MKLN1: variants seen among roughly 807,000 people sequenced by gnomAD.
The protein encoded by MKLN1 is muskelin 1.
MKLN1 carries 18 observed loss-of-function variants against 99.0 expected under a neutral mutation model. The ratio of observed to expected loss-of-function variants is 0.18; its 90% CI spans 0.13 to 0.27. The LOEUF (loss-of-function observed/expected upper bound fraction) is 0.27, where lower values mean the gene tolerates loss of function less well. Among genes scored for constraint, MKLN1 ranks in the 10% least tolerant of loss-of-function variants. MKLN1 has a pLI of 1.00. For synonymous variants in MKLN1, 288 were observed against 293.2 expected, an observed-to-expected ratio of 0.98 and a Z score of 0.18; for missense variants, 621 against 875.9, an observed-to-expected ratio of 0.71 and a Z score of 3.67.
intron 3 of MKLN1, among the ~76,000 whole-genome samples, chr7:131,231,596 A>T (rs1451977022): frequency 6.6e-6 from 1 of 152,092 alleles, no homozygotes; most frequent in African/African-American, 2.4e-5. Context: ...GAGGCTGGGC[A>T]TGTGTGCATG....
intron 3 of MKLN1, among the ~76,000 whole-genome samples, chr7:131,288,976 TAA>T (rs544413177): frequency 2.9e-4 from 44 of 150,288 alleles, no homozygotes; most frequent in African/African-American, 1.0e-3. Context: ...AGCCTTCTTT[TAA>T]AAAAAAAAAT....
intron 8 of MKLN1, among the ~76,000 whole-genome samples, chr7:131,416,842 A>G (rs1795030874): frequency 6.6e-6 from 1 of 151,728 alleles, no homozygotes; most frequent in Admixed American, 6.6e-5. Flanking sequence ...AATCAGCTGG[A>G]TGTGGTGGTG....
chr7:131,437,698 AT>A, intron 9 of MKLN1, 86 bp from the exon 10 acceptor site: 1 of 1,030,342 alleles, frequency 9.7e-7, no homozygotes, highest in Non-Finnish European at 1.4e-6. Flanking sequence ...GTAATAAAAA[AT>A]GACGTTTAAT....
chr7:131,287,354 A>T (rs1798147778), intron 3 of MKLN1, among the ~76,000 whole-genome samples: 1 of 152,232 alleles, frequency 6.6e-6, no homozygotes, highest in Non-Finnish European at 1.5e-5. Flanking sequence ...AAGTGTTGGC[A>T]AGGCCACACT....
intron 17 of MKLN1, among the ~76,000 whole-genome samples, chr7:131,483,763 A>C (rs536802012): frequency 2.4e-4 from 36 of 152,372 alleles, no homozygotes; most frequent in Middle Eastern, 3.4e-3. Flanking sequence ...CTGAAACTAG[A>C]AAGCAGCAGA....
At chr7:131,366,083 T>A (rs1016059332) in intron 1 of MKLN1, among the ~76,000 whole-genome samples, 3 of 152,184 alleles carry the variant, frequency 2.0e-5, no homozygotes, top group African/African-American at 7.2e-5. Flanking sequence ...CTCCCCTGAT[T>A]ACAGCTGAAA....
chr7:131,189,452 T>A (rs1414715987), intron 2 of MKLN1, among the ~76,000 whole-genome samples: 3 of 152,058 alleles, frequency 2.0e-5, no homozygotes, highest in Non-Finnish European at 4.4e-5. Context: ...TGGCTGTCTG[T>A]AAGAAGAGAG....
At chr7:131,110,377 C>G (rs1215127798) in intron 1 of MKLN1, among the ~76,000 whole-genome samples, 2 of 152,156 alleles carry the variant, frequency 1.3e-5, no homozygotes, top group Non-Finnish European at 2.9e-5. Context: ...GCAATAATTA[C>G]TATTGGAGTG....
intron 12 of MKLN1, among the ~76,000 whole-genome samples, chr7:131,462,476 CA>C (rs1425527089): frequency 2.0e-5 from 3 of 152,174 alleles, no homozygotes; most frequent in African/African-American, 7.2e-5. Context: ...TCTCTACTAT[CA>C]AATTAGAACT....
intron 4 of MKLN1, among the ~76,000 whole-genome samples, chr7:131,395,152 G>A (rs1445269249): frequency 2.0e-5 from 3 of 151,902 alleles, no homozygotes; most frequent in Non-Finnish European, 4.4e-5. Flanking sequence ...AGCAAATATC[G>A]TTAAGTATTT....
chr7:131,138,091 A>G (rs532432950), intron 1 of MKLN1, among the ~76,000 whole-genome samples: 1 of 151,966 alleles, frequency 6.6e-6, no homozygotes, highest in South Asian at 2.1e-4. Flanking sequence ...ACGCCCAGCT[A>G]ATTTTGTATT....
At chr7:131,136,267 G>C (rs759411724) in intron 1 of MKLN1, among the ~76,000 whole-genome samples, 80 of 152,218 alleles carry the variant, frequency 5.3e-4, no homozygotes, top group Non-Finnish European at 1.3e-4. Flanking sequence ...GCAGCACCAA[G>C]TCTGCCTGGT....
chr7:131,341,699 T>G (rs1799412499), intron 1 of MKLN1, among the ~76,000 whole-genome samples: 1 of 152,248 alleles, frequency 6.6e-6, no homozygotes, highest in Non-Finnish European at 1.5e-5. Context: ...CCATTTCAGA[T>G]CATCAGGCAT....
intron 2 of MKLN1, among the ~76,000 whole-genome samples, chr7:131,150,147 C>T (rs946827637): frequency 1.3e-5 from 2 of 152,060 alleles, no homozygotes; most frequent in African/African-American, 4.8e-5. Flanking sequence ...TAGTACAAGG[C>T]TCAGTACTAG....
intron 1 of MKLN1, among the ~76,000 whole-genome samples, chr7:131,121,468 C>G (rs561959217): frequency 6.6e-6 from 1 of 151,882 alleles, no homozygotes; most frequent in South Asian, 2.1e-4. Context: ...GAAACCTCGT[C>G]TCTACTAAAA....
chr7:131,419,252 G>GTTTTTTTT (rs11482221), intron 8 of MKLN1, among the ~76,000 whole-genome samples: 2 of 115,542 alleles, frequency 1.7e-5, no homozygotes, highest in African/African-American at 3.2e-5. Context: ...ATATATTTTT[G>GTTTTTTTT]TTTTTTTTTT....
chr7:131,232,065 A>T lies in MKLN1; in HGVS notation c.-179+29091A>T, dbSNP rs566537341. On this transcript the variant is annotated intron_variant, in intron 3 of 7. Transcript: ENST00000416992. ...CCTATAATTTTTTAATGTTATATAC[A>T]TCATATTTTATTTATTTGGATCAGT... is the stretch of plus-strand genomic sequence containing the variant. Among the ~76,000 whole-genome samples, 72 of 152,316 alleles carry T rather than the reference A, an allele frequency of 4.7e-4. 1 individual carries two copies. The highest frequency in any genetic ancestry group is 2.9e-3 in the South Asian group (14 of 4,832).
intron 1 of MKLN1, among the ~76,000 whole-genome samples, chr7:131,355,748 A>G (rs1320347797): frequency 6.7e-6 from 1 of 149,408 alleles, no homozygotes; most frequent in Admixed American, 6.6e-5. Context: ...GGAACCTCAA[A>G]CTCCTGGGCT....
At chr7:131,261,818 A>G (rs1040429381) in intron 3 of MKLN1, among the ~76,000 whole-genome samples, 4 of 152,234 alleles carry the variant, frequency 2.6e-5, no homozygotes, top group African/African-American at 9.6e-5. Flanking sequence ...ATGCAGCCAT[A>G]AAAACAAAAG....
Sources: allele counts gnomAD v4.1 joint callset (sites outside exome capture counted in the v4.1 genomes callset), GRCh38; gene constraint gnomAD v4.1.1; transcripts MANE v1.5; gene names NCBI Gene and HGNC (gene_info 2026-07-23, HGNC 2026-07-21).